Variants in CTNNA3 observed in about 807,000 individuals in gnomAD.
The protein encoded by CTNNA3 is catenin alpha-3.
In CTNNA3, 76 loss-of-function variants were observed where a neutral mutation model predicts 95.7. The observed-to-expected ratio is 0.79, with a 90% CI of 0.66 to 0.96. The LOEUF (loss-of-function observed/expected upper bound fraction) is 0.96. Ranked by LOEUF, CTNNA3 falls within the 40% of genes least tolerant of loss-of-function variation. The pLI is 0.00. For synonymous variants in CTNNA3, 431 were observed against 374.4 expected (o/e 1.15, Z -1.74); for missense variants, 1,191 against 1,089.8 (o/e 1.09, Z -1.31).
intron 10 of CTNNA3, among the ~76,000 whole-genome samples, chr10:66,574,631 T>A (rs77377197): frequency 3.3e-5 from 5 of 152,182 alleles, no homozygotes; most frequent in Admixed American, 6.5e-5. Context: ...TGTTTTTTTT[T>A]CCCCTCTTTA....
Position 67,273,291 on chromosome 10 carries a change from T to C in CTNNA3, c.580-53421A>G, listed in dbSNP as rs144574723. 6.8e-4 allele frequency among the ~76,000 whole-genome samples: 103 copies of C among 152,060 alleles called. 1 individual carries two copies. The highest frequency in any genetic ancestry group is 2.0e-3 in the African/African-American group (84 of 41,492). The stretch of plus-strand genomic sequence containing the variant: ...CTCAATAATAAGACAAACAACCCAA[T>C]TTAAAAATGGGAAAACTATGTTAAC... On this transcript the variant is annotated intron_variant, in intron 5 of 17. Coordinates refer to ENST00000433211, the MANE Select transcript of CTNNA3 (RefSeq NM_013266.4).
intron 11 of CTNNA3, among the ~76,000 whole-genome samples, chr10:66,482,880 A>G (rs956139832): frequency 3.3e-5 from 5 of 152,164 alleles, no homozygotes; most frequent in Non-Finnish European, 5.9e-5. Context: ...CCTTTGTGCA[A>G]TGTGGGAATT....
chr10:66,407,801 G>A (rs966031029), intron 11 of CTNNA3, among the ~76,000 whole-genome samples: 1 of 152,054 alleles, frequency 6.6e-6, no homozygotes, highest in African/African-American at 2.4e-5. Context: ...GGCTGGTCTC[G>A]ATCTCCTGAC....
intron 14 of CTNNA3, among the ~76,000 whole-genome samples, chr10:66,086,917 G>A (rs1306615775): frequency 6.6e-6 from 1 of 152,042 alleles, no homozygotes; most frequent in Non-Finnish European, 1.5e-5. Flanking sequence ...ATAAAAAGCA[G>A]CCCCCAAATC....
intron 1 of CTNNA3, among the ~76,000 whole-genome samples, chr10:67,726,826 GTA>G (rs1397663738): frequency 2.1e-5 from 2 of 93,288 alleles, no homozygotes; most frequent in Non-Finnish European, 4.0e-5. Context: ...AGATATCTAT[GTA>G]TCATATATAA....
intron 12 of CTNNA3, among the ~76,000 whole-genome samples, chr10:66,368,175 T>G (rs1049984551): frequency 1.3e-5 from 2 of 151,970 alleles, no homozygotes; most frequent in Non-Finnish European, 2.9e-5. Context: ...AGGTTTTTAT[T>G]TGACCACATA....
chr10:65,942,816 C>G (rs1037966027), intron 17 of CTNNA3, among the ~76,000 whole-genome samples: 3 of 152,078 alleles, frequency 2.0e-5, no homozygotes, highest in Non-Finnish European at 4.4e-5. Flanking sequence ...ATAAAAAAAC[C>G]TAGATTTAAA....
intron 15 of CTNNA3, among the ~76,000 whole-genome samples, chr10:66,019,026 C>T (rs1272093133): frequency 2.0e-5 from 3 of 151,940 alleles, no homozygotes; most frequent in Non-Finnish European, 2.9e-5. Context: ...AATGTATAAC[C>T]AAGACAGATA....
intron 11 of CTNNA3, among the ~76,000 whole-genome samples, chr10:66,394,002 A>G (rs1036783053): frequency 1.3e-5 from 2 of 152,066 alleles, no homozygotes; most frequent in African/African-American, 4.8e-5. Flanking sequence ...ATGGGAAGGG[A>G]AAATCATAGG....
chr10:67,430,369 T>A (rs142125175), intron 5 of CTNNA3, among the ~76,000 whole-genome samples: 1 of 151,942 alleles, frequency 6.6e-6, no homozygotes, highest in Non-Finnish European at 1.5e-5. Flanking sequence ...TAGTGTCCAT[T>A]TTCACATATG....
intron 14 of CTNNA3, among the ~76,000 whole-genome samples, chr10:66,074,860 A>T (rs965230734): frequency 1.5e-4 from 23 of 151,902 alleles, no homozygotes; most frequent in African/African-American, 5.6e-4. Context: ...TCCCCTAGAA[A>T]ATAAGTCCTC....
At chr10:66,537,349 T>C (rs1222292430) in intron 10 of CTNNA3, among the ~76,000 whole-genome samples, 2 of 152,102 alleles carry the variant, frequency 1.3e-5, no homozygotes, top group Non-Finnish European at 2.9e-5. Context: ...CAAGGTTCAA[T>C]ATGTTTGAAT....
At chr10:66,775,822 T>C (rs569342609) in intron 7 of CTNNA3, among the ~76,000 whole-genome samples, 1 of 152,278 alleles carries the variant, frequency 6.6e-6, no homozygotes, top group Non-Finnish European at 1.5e-5. Flanking sequence ...TTTTAACAAG[T>C]CAAATCTTAA....
At chr10:67,360,271 C>T (rs1589213657) in intron 5 of CTNNA3, among the ~76,000 whole-genome samples, 1 of 152,072 alleles carries the variant, frequency 6.6e-6, no homozygotes, top group African/African-American at 2.4e-5. Flanking sequence ...ACAGAGCCCA[C>T]AGACCCTATA....
chr10:67,709,442 G>A (rs901308585), intron 1 of CTNNA3, among the ~76,000 whole-genome samples: 6 of 152,080 alleles, frequency 3.9e-5, no homozygotes, highest in African/African-American at 4.8e-5. Flanking sequence ...ACAGTTCCAC[G>A]CACTGTAAAC....
intron 9 of CTNNA3, among the ~76,000 whole-genome samples, chr10:66,682,725 T>C (rs925471969): frequency 2.6e-5 from 4 of 151,892 alleles, no homozygotes; most frequent in Admixed American, 6.6e-5. Context: ...GTTTGTTATA[T>C]GGGTATATTT....
chr10:66,257,380 A>T (rs1468381449), intron 13 of CTNNA3, among the ~76,000 whole-genome samples: 1 of 152,206 alleles, frequency 6.6e-6, no homozygotes, highest in Admixed American at 6.5e-5. Flanking sequence ...CTCCCTTGTA[A>T]AATGGAAGGC....
chr10:66,928,801 C>T (rs552361916), intron 7 of CTNNA3, among the ~76,000 whole-genome samples: 1 of 152,128 alleles, frequency 6.6e-6, no homozygotes, highest in Non-Finnish European at 1.5e-5. Context: ...CGCTGTTAGC[C>T]TCCTGGTGGG....
At chr10:67,184,792 CA>C (rs1296035624) in intron 6 of CTNNA3, among the ~76,000 whole-genome samples, 2 of 152,120 alleles carry the variant, frequency 1.3e-5, no homozygotes, top group Non-Finnish European at 2.9e-5. Flanking sequence ...CAGTCTTCAC[CA>C]CATATTTGAT....
Sources: allele counts gnomAD v4.1 joint callset (sites outside exome capture counted in the v4.1 genomes callset), GRCh38; gene constraint gnomAD v4.1.1; transcripts MANE v1.5; gene names NCBI Gene and HGNC (gene_info 2026-07-23, HGNC 2026-07-21).